BMPR2: variants seen among roughly 807,000 people sequenced by gnomAD.
The protein encoded by BMPR2 is bone morphogenetic protein receptor type 2, also known as bone morphogenetic protein receptor type-2.
BMPR2 carries 29 observed loss-of-function variants against 100.8 expected under a neutral mutation model. That is an observed-to-expected ratio of 0.29 (90% confidence interval 0.21 to 0.39). The LOEUF (loss-of-function observed/expected upper bound fraction) is 0.39, where lower values mean the gene tolerates loss of function less well. BMPR2 is among the 10% of genes least tolerant of loss of function. The pLI, the probability that BMPR2 is intolerant of heterozygous loss-of-function variation, is 1.00. For missense variants in BMPR2, 1,011 were observed against 1,274.5 expected, an observed-to-expected ratio of 0.79 and a Z score of 3.15; for synonymous variants, 382 against 442.3, an observed-to-expected ratio of 0.86 and a Z score of 1.71.
chr2:202,420,192 A>G (rs1367912447), intron 1 of BMPR2, among the ~76,000 whole-genome samples: 1 of 152,144 alleles, frequency 6.6e-6, no homozygotes, highest in African/African-American at 2.4e-5. Context: ...TATCTAACAA[A>G]AAATAAAAGA....
chr2:202,496,765 C>G (rs1034388497), intron 3 of BMPR2, among the ~76,000 whole-genome samples: 2 of 152,262 alleles, frequency 1.3e-5, no homozygotes, highest in East Asian at 1.9e-4. Flanking sequence ...TTACCGCCCT[C>G]GCTCGCTCTC....
Position 202,555,388 on chromosome 2 carries a change from A to G in BMPR2, c.1723A>G (p.Thr575Ala). 6.2e-7 allele frequency: 1 copy of G among 1,614,178 alleles called. No individual in the cohort carries two copies. The change falls in exon 12 of 13, where the codon ACA becomes GCA. Residue 575 changes from threonine to alanine, a missense_variant. By Grantham distance (58) the Thr-to-Ala change is moderately conservative (BLOSUM62 0). Around this residue, in one of 6 missense-constraint regions of BMPR2, gnomAD observed 508 missense variants for 552.0 expected, o/e 0.92. Transcript: ENST00000374580. ...NISSEHSMSS[T>A]PLTIGEKNRN... ...TTCCTCTGAGCATTCTATGTCCAGC[A>G]CACCTTTGACTATAGGGGAAAAAAA...
chr2:202,486,225 G>A (rs1276753232), intron 3 of BMPR2, among the ~76,000 whole-genome samples: 12 of 152,230 alleles, frequency 7.9e-5, no homozygotes, highest in Non-Finnish European at 1.3e-4. Context: ...AAGGCATAAT[G>A]TCATACAGAA....
intron 7 of BMPR2, among the ~76,000 whole-genome samples, chr2:202,529,273 G>C (rs1290202343): frequency 6.6e-6 from 1 of 152,164 alleles, no homozygotes; most frequent in Non-Finnish European, 1.5e-5. Flanking sequence ...ATATCTTGTT[G>C]TGCTTTCCTT....
intron 12 of BMPR2, 94 bp downstream of exon 12, chr2:202,556,625 G>GA (rs1294398058): frequency 7.1e-7 from 1 of 1,407,252 alleles, no homozygotes; most frequent in Non-Finnish European, 9.8e-7. Flanking sequence ...TTCAACTAGT[G>GA]ATTATTTACC....
At chr2:202,510,975 G>C (rs1178131550) in intron 3 of BMPR2, among the ~76,000 whole-genome samples, 1 of 148,248 alleles carries the variant, frequency 6.7e-6, no homozygotes, top group East Asian at 2.0e-4. Context: ...CACCGCACCT[G>C]GCTTTAGTTT....
chr2:202,496,429 G>C (rs1693029013), intron 3 of BMPR2, among the ~76,000 whole-genome samples: 1 of 151,998 alleles, frequency 6.6e-6, no homozygotes, highest in African/African-American at 2.4e-5. Flanking sequence ...GTGAGCCATG[G>C]TCATACCATT....
chr2:202,496,488 CA>C (rs200829157), intron 3 of BMPR2, among the ~76,000 whole-genome samples: 10 of 149,154 alleles, frequency 6.7e-5, no homozygotes, highest in Admixed American at 1.3e-4. Context: ...AAAACAAAAA[CA>C]AAAAAAAATC....
At chr2:202,534,335 T>C (rs1216350848) in intron 9 of BMPR2, among the ~76,000 whole-genome samples, 1 of 151,574 alleles carries the variant, frequency 6.6e-6, no homozygotes, top group Non-Finnish European at 1.5e-5. Flanking sequence ...CATAGGACAA[T>C]AGTGGAGGGA....
At chr2:202,394,766 T>C (rs1690625450) in intron 1 of BMPR2, among the ~76,000 whole-genome samples, 1 of 152,088 alleles carries the variant, frequency 6.6e-6, no homozygotes, top group Admixed American at 6.6e-5. Context: ...AAAATATAGA[T>C]TTTTTCATAA....
At chr2:202,473,742 G>C (rs1692481541) in intron 3 of BMPR2, among the ~76,000 whole-genome samples, 1 of 151,936 alleles carries the variant, frequency 6.6e-6, no homozygotes, top group African/African-American at 2.4e-5. Flanking sequence ...AGTGAGCAGA[G>C]ATTGTGCCAT....
At chr2:202,396,816 T>A (rs1392085107) in intron 1 of BMPR2, among the ~76,000 whole-genome samples, 1 of 150,734 alleles carries the variant, frequency 6.6e-6, no homozygotes, top group African/African-American at 2.4e-5. Flanking sequence ...TGAAACGGAG[T>A]TTCGGAGTTT....
At chr2:202,397,319 G>A (rs1165336717) in intron 1 of BMPR2, among the ~76,000 whole-genome samples, 2 of 151,904 alleles carry the variant, frequency 1.3e-5, no homozygotes, top group South Asian at 2.1e-4. Flanking sequence ...GAAATGTTGC[G>A]ATGTGCAGTA....
Position 202,560,602 on chromosome 2 carries a change from G to A in BMPR2, c.*656G>A, listed in dbSNP as rs1688663256. On this transcript the variant is annotated 3_prime_UTR_variant, in exon 13 of 13. Transcript: ENST00000374580. ...TGACAGTGAATTTTGCACAGGAGAA[G>A]CAGCTACCTGATTTCTTACTTTCTC... The A allele has an allele frequency of 6.5e-6, 1 of 152,748 alleles. No individual in the cohort carries two copies. The highest frequency in any genetic ancestry group is 2.4e-5 in the African/African-American group (1 of 41,444). 9.5% of individuals were successfully genotyped at this position (152,748 alleles called of 1,614,324 possible).
chr2:202,387,718 A>AAGATT (rs1690458330), intron 1 of BMPR2, among the ~76,000 whole-genome samples: 1 of 152,212 alleles, frequency 6.6e-6, no homozygotes, highest in Non-Finnish European at 1.5e-5. Context: ...TTGGAAAAGA[A>AAGATT]CACCAGTTAG....
chr2:202,434,879 C>CA (rs1172617261), intron 1 of BMPR2, among the ~76,000 whole-genome samples: 9 of 48,922 alleles, frequency 1.8e-4, no homozygotes, highest in African/African-American at 5.8e-4. Flanking sequence ...GACTCTGTCT[C>CA]AAAAAAAAAA....
intron 1 of BMPR2, among the ~76,000 whole-genome samples, chr2:202,430,093 T>C (rs549282869): frequency 3.9e-5 from 6 of 152,332 alleles, no homozygotes; most frequent in Non-Finnish European, 8.8e-5. Flanking sequence ...TGGTGAGAGC[T>C]CTGGGTTGCC....
intron 10 of BMPR2, among the ~76,000 whole-genome samples, chr2:202,547,272 A>G (rs990221584): frequency 2.0e-5 from 3 of 152,104 alleles, no homozygotes; most frequent in African/African-American, 7.2e-5. Context: ...CAGGGGGACA[A>G]TAATAGCTCA....
At chr2:202,465,770 A>G (rs1692307870) in intron 2 of BMPR2, among the ~76,000 whole-genome samples, 2 of 151,946 alleles carry the variant, frequency 1.3e-5, no homozygotes, top group Non-Finnish European at 2.9e-5. Flanking sequence ...GGAGAATGGC[A>G]TGAAGCTGGG....
Sources: allele counts gnomAD v4.1 joint callset (sites outside exome capture counted in the v4.1 genomes callset), GRCh38; gene constraint gnomAD v4.1.1; regional missense constraint gnomAD v4.1.1; transcripts MANE v1.5; gene names NCBI Gene and HGNC (gene_info 2026-07-23, HGNC 2026-07-21).